SLC4A7: variants seen among roughly 807,000 people sequenced by gnomAD.
The protein encoded by SLC4A7 is solute carrier family 4 member 7.
SLC4A7 carries 51 observed loss-of-function variants against 137.6 expected under a neutral mutation model. The observed-to-expected ratio is 0.37, with a 90% confidence interval of 0.30 to 0.47. The LOEUF (loss-of-function observed/expected upper bound fraction) is 0.47. SLC4A7 is among the 20% of genes least tolerant of loss of function. SLC4A7 has a pLI of 1.00. For missense variants in SLC4A7, 1,247 were observed against 1,525.4 expected (o/e 0.82, Z 3.04); for synonymous variants, 542 against 518.6 (o/e 1.05, Z -0.61).
intron 1 of SLC4A7, among the ~76,000 whole-genome samples, chr3:27,470,804 T>C (rs191699000): frequency 3.2e-3 from 483 of 152,118 alleles, no homozygotes; most frequent in African/African-American, 0.011. Context: ...TAGCTGGGCG[T>C]GGTGGCATGC....
At chr3:27,460,640 C>A (rs6773733) in intron 1 of SLC4A7, among the ~76,000 whole-genome samples, 27,519 of 152,126 alleles carry the variant, frequency 0.18, 2,910 homozygotes, top group Non-Finnish European at 0.25. Flanking sequence ...TGATGTTCAG[C>A]TCATATTATT....
At chr3:27,420,994 C>G (rs1428125194) in intron 9 of SLC4A7, among the ~76,000 whole-genome samples, 1 of 151,974 alleles carries the variant, frequency 6.6e-6, no homozygotes, top group African/African-American at 2.4e-5. Context: ...CCATAATTAA[C>G]TACCAAATCA....
chr3:27,455,344 A>G (rs2058335466), intron 1 of SLC4A7, among the ~76,000 whole-genome samples: 2 of 152,198 alleles, frequency 1.3e-5, no homozygotes, highest in Non-Finnish European at 2.9e-5. Context: ...AAAAATATTT[A>G]CAAGACTAAA....
rs1027025384 is a variant in SLC4A7, at chr3:27,484,317, G to C, written c.-191C>G. 6.0e-5 allele frequency: 22 copies of C among 365,220 alleles called. No homozygotes were observed. Among genetic ancestry groups the C allele is most frequent in the African/African-American group, 4.0e-4 (19 of 47,008 alleles). 22.6% of individuals were successfully genotyped at this position (365,220 alleles called of 1,614,324 possible). A position where few individuals can be genotyped will look rare whatever the true frequency, so the allele number is the denominator to read the frequency against. ...CGGGAGACGCGGGGCGTGCGTGTGC[G>C]CGCTGCGACTGCTGGGCTGGCTTTA... is the stretch of plus-strand genomic sequence containing the variant. On this transcript the variant is annotated 5_prime_UTR_variant, in exon 1 of 26. Coordinates refer to ENST00000454389, the MANE Select transcript of SLC4A7 (RefSeq NM_001321103.2).
intron 25 of SLC4A7, among the ~76,000 whole-genome samples, chr3:27,378,411 A>C (rs1451863660): frequency 6.6e-6 from 1 of 152,182 alleles, no homozygotes; most frequent in Non-Finnish European, 1.5e-5. Flanking sequence ...GTACATAAAA[A>C]AGAAGAATTT....
At position 27,448,742 on chromosome 3, in the gene SLC4A7, C is replaced by T. The variant is rs779277755; in HGVS notation, c.198G>A (p.Arg66=). 6.2e-7 allele frequency: 1 copy of T among 1,613,378 alleles called. No homozygotes were observed. ...GTTTGTGTCCGCGATGCCTATGACG[C>T]CGACGACTCTCTTTACTAAACGGGA... ...VHVPFSKESR[R]RHRHRGHKHH... is the part of the protein sequence containing the mutation. Residue 66 remains arginine, a synonymous_variant, in exon 3 of 26, where the codon CGG becomes CGA. Transcript: ENST00000454389.
chr3:27,428,356 G>A lies in SLC4A7; in HGVS notation c.1150+2942C>T, dbSNP rs139178162. The A allele has an allele frequency of 2.3e-4, 36 of 154,302 alleles. No homozygotes were observed. The South Asian group carries it at 2.6e-3, about 11-fold the overall frequency. The allele number at this position is 154,302 out of a possible 1,614,324, so 9.6% of individuals were successfully genotyped here. On this transcript the variant is annotated intron_variant, in intron 7 of 25. Transcript: ENST00000454389. ...GGAATAACACCAACCTCATCAAATC[G>A]TTACAAGAATTAGAAATATGGTATT...
intron 3 of SLC4A7, among the ~76,000 whole-genome samples, chr3:27,447,406 T>C (rs958237717): frequency 1.3e-5 from 2 of 152,196 alleles, no homozygotes; most frequent in African/African-American, 2.4e-5. Context: ...TTCCTTCCTA[T>C]GTTCATGCAG....
chr3:27,477,667 C>T (rs77685358), intron 1 of SLC4A7, among the ~76,000 whole-genome samples: 27,640 of 152,094 alleles, frequency 0.18, 2,920 homozygotes, highest in Non-Finnish European at 0.25. Context: ...TGCAGTGGCG[C>T]GATCTTGGCT....
intron 3 of SLC4A7, among the ~76,000 whole-genome samples, chr3:27,439,140 G>C (rs992959313): frequency 1.3e-5 from 2 of 152,148 alleles, no homozygotes; most frequent in African/African-American, 4.8e-5. Flanking sequence ...ATGCAACAAG[G>C]ATATTTAAAC....
rs747222473 is a variant in SLC4A7, at chr3:27,390,117, T to TA, written c.3187-14dup. 2 of 1,499,880 alleles carry TA rather than the reference T, an allele frequency of 1.3e-6. No homozygotes were observed. The highest frequency in any genetic ancestry group is 4.6e-5 in the East Asian group (2 of 43,798). 92.9% of individuals were successfully genotyped at this position (1,499,880 alleles called of 1,614,324 possible). A position where few individuals can be genotyped will look rare whatever the true frequency, so the allele number is the denominator to read the frequency against. On this transcript the variant is annotated splice_polypyrimidine_tract_variant and intron_variant, in intron 21 of 25. Transcript: ENST00000454389. ...TACGGTCAAATAACTACATATAGAA[T>TA]AAAAAACAAAGAAGTTTTCAATAAA...
At chr3:27,414,973 TATA>T (rs1306158830) in intron 11 of SLC4A7, among the ~76,000 whole-genome samples, 2 of 152,250 alleles carry the variant, frequency 1.3e-5, no homozygotes, top group African/African-American at 2.4e-5. Flanking sequence ...TGGCTTTTTC[TATA>T]ATAATGATGG....
At chr3:27,475,184 C>A (rs141888702) in intron 1 of SLC4A7, among the ~76,000 whole-genome samples, 2 of 151,776 alleles carry the variant, frequency 1.3e-5, no homozygotes, top group Non-Finnish European at 2.9e-5. Context: ...TAAGGACAGT[C>A]AAGATTTTTT....
intron 1 of SLC4A7, among the ~76,000 whole-genome samples, chr3:27,474,408 A>G (rs140100890): frequency 5.3e-5 from 8 of 152,358 alleles, no homozygotes; most frequent in African/African-American, 1.9e-4. Context: ...AAGGAGAGAT[A>G]TATCACATTT....
chr3:27,396,497 A>G (rs1373288791), intron 18 of SLC4A7, among the ~76,000 whole-genome samples: 1 of 152,120 alleles, frequency 6.6e-6, no homozygotes, highest in East Asian at 1.9e-4. Flanking sequence ...AAATAAACCT[A>G]AAGTTTAATA....
chr3:27,394,545 G>C lies in SLC4A7; in HGVS notation c.3090C>G (p.Leu1030=). Residue 1030 remains leucine, a synonymous_variant, in exon 20 of 26, where the codon CTC becomes CTG. Transcript: ENST00000454389. ...TTAGGACTGAAGTCATGAACACAGA[G>C]AGGCCCATTAGAATAAAAATCATTA... ...TGLMIFILMG[L]SVFMTSVLKF... 1 of 1,614,024 alleles carries C rather than the reference G, an allele frequency of 6.2e-7. No individual in the cohort carries two copies. The highest frequency in any genetic ancestry group is 8.5e-7 in the Non-Finnish European group (1 of 1,179,932).
intron 3 of SLC4A7, among the ~76,000 whole-genome samples, chr3:27,446,381 G>A (rs971862224): frequency 1.3e-5 from 2 of 152,056 alleles, no homozygotes; most frequent in African/African-American, 4.8e-5. Flanking sequence ...CAAATTGGTA[G>A]TTAAGACAAA....
At chr3:27,401,696 C>T (rs1230047752) in intron 15 of SLC4A7, among the ~76,000 whole-genome samples, 4 of 152,236 alleles carry the variant, frequency 2.6e-5, no homozygotes, top group Admixed American at 2.0e-4. Context: ...ATAAATTAGG[C>T]AACACTCCTA....
At chr3:27,407,515 G>A (rs947405536) in intron 13 of SLC4A7, among the ~76,000 whole-genome samples, 9 of 149,274 alleles carry the variant, frequency 6.0e-5, no homozygotes, top group South Asian at 2.1e-4. Context: ...TACCCTGCCT[G>A]CCTACCTCAT....
Sources: gnomAD v4.1 joint callset for allele counts (sites outside exome capture counted in the v4.1 genomes callset) on GRCh38, gnomAD v4.1.1 for gene constraint, MANE v1.5 for transcripts, NCBI Gene and HGNC (gene_info 2026-07-23, HGNC 2026-07-21) for gene names.